CNTLN: variants seen among roughly 807,000 people sequenced by gnomAD.
The protein encoded by CNTLN is centlein, centrosomal protein.
In CNTLN, 212 loss-of-function variants were observed where a neutral mutation model predicts 180.0. The ratio of observed to expected loss-of-function variants is 1.18; its 90% CI spans 1.05 to 1.32. CNTLN has a LOEUF of 1.32. Among genes scored for constraint, CNTLN ranks in the 40% most tolerant of loss-of-function variants. The probability of loss-of-function intolerance (pLI) is 0.00; values close to 1 mark genes in which losing one functional copy is unlikely to be tolerated. For missense variants in CNTLN, 2,095 were observed against 1,610.9 expected, an observed-to-expected ratio of 1.30 and a Z score of -5.14; for synonymous variants, 722 against 563.1, an observed-to-expected ratio of 1.28 and a Z score of -3.99.
At chr9:17,149,932 G>C (rs951587793) in intron 2 of CNTLN, among the ~76,000 whole-genome samples, 9 of 152,096 alleles carry the variant, frequency 5.9e-5, no homozygotes, top group African/African-American at 2.2e-4. Context: ...TCATATGTCT[G>C]TTGGCTGCAT....
chr9:17,181,752 C>T (rs149793333), intron 2 of CNTLN, among the ~76,000 whole-genome samples: 215 of 152,328 alleles, frequency 1.4e-3, no homozygotes, highest in African/African-American at 5.1e-3. Flanking sequence ...CCTCTGGTCT[C>T]TGAAGACACC....
rs763590963 is a variant in CNTLN, at chr9:17,348,511, G to GCTTT, written c.1886+6088_1886+6091dup. Among the ~76,000 whole-genome samples the GCTTT allele has an allele frequency of 4.1e-3, 621 of 150,958 alleles. 2 individuals carry two copies. Among genetic ancestry groups the GCTTT allele is most frequent in the Non-Finnish European group, 5.1e-3 (345 of 67,784 alleles). ...GGTGAAAGTGCAGGCTTCTCACTCTGCTTTCTTTCTTTCTTTCTTTCTTTT... is the reference window on the plus strand; with the variant it reads ...GGTGAAAGTGCAGGCTTCTCACTCTGCTTTCTTTCTTTCTTTCTTTCTTTCTTTT... On this transcript the variant is annotated intron_variant, in intron 12 of 25. Transcript: ENST00000380647.
At chr9:17,436,211 T>C (rs1829767621) in intron 18 of CNTLN, among the ~76,000 whole-genome samples, 1 of 152,232 alleles carries the variant, frequency 6.6e-6, no homozygotes, top group Non-Finnish European at 1.5e-5. Context: ...TATTGTTTAG[T>C]TTATGATTAA....
chr9:17,175,531 A>G (rs1820668109), intron 2 of CNTLN, among the ~76,000 whole-genome samples: 1 of 152,180 alleles, frequency 6.6e-6, no homozygotes, highest in African/African-American at 2.4e-5. Context: ...ATACCATACC[A>G]TCTTGATTAC....
chr9:17,330,491 G>T, intron 8 of CNTLN, 141 bp from the exon 9 acceptor site: 1 of 462,320 alleles, frequency 2.2e-6, no homozygotes, highest in East Asian at 3.6e-5. Context: ...TTCAGCTCCT[G>T]CTAGTTTATT....
chr9:17,525,974 C>G, the CNTLN span, among the ~76,000 whole-genome samples: 2 of 151,904 alleles, frequency 1.3e-5, no homozygotes, highest in African/African-American at 4.8e-5. Flanking sequence ...CTTGCTCTGT[C>G]GCCCAGGCTG....
At chr9:17,464,747 C>A in intron 21 of CNTLN, 124 bp downstream of exon 21, 1 of 546,040 alleles carries the variant, frequency 1.8e-6, no homozygotes, top group Non-Finnish European at 3.0e-6. Flanking sequence ...TTTACTGTTA[C>A]AAAGTAACAC....
At chr9:17,159,269 G>C (rs1819511141) in intron 2 of CNTLN, among the ~76,000 whole-genome samples, 1 of 152,166 alleles carries the variant, frequency 6.6e-6, no homozygotes, top group African/African-American at 2.4e-5. Flanking sequence ...TGCAAATAAA[G>C]TCAGTTTCTT....
chr9:17,393,012 A>G (rs971871698), intron 14 of CNTLN, among the ~76,000 whole-genome samples: 5 of 152,180 alleles, frequency 3.3e-5, no homozygotes, highest in Admixed American at 2.0e-4. Context: ...AGAAAATGCT[A>G]AAACTGAGAG....
intron 15 of CNTLN, among the ~76,000 whole-genome samples, chr9:17,408,627 C>T (rs1027924808): frequency 6.6e-6 from 1 of 151,948 alleles, no homozygotes; most frequent in Non-Finnish European, 1.5e-5. Flanking sequence ...CAGTGAAACC[C>T]TATCTCTACT....
intron 2 of CNTLN, among the ~76,000 whole-genome samples, chr9:17,222,371 T>C (rs7851641): frequency 0.11 from 16,098 of 152,024 alleles, 1,301 homozygotes; most frequent in African/African-American, 0.23. Flanking sequence ...ATCTCATCTT[T>C]AGTTGTACTC....
intron 2 of CNTLN, among the ~76,000 whole-genome samples, chr9:17,179,201 G>A (rs1587024633): frequency 7.6e-6 from 1 of 131,782 alleles, no homozygotes; most frequent in Non-Finnish European, 1.5e-5. Context: ...CCGAGATCCC[G>A]CCACTGCACT....
chr9:17,493,143 G>A (rs1833258957), intron 25 of CNTLN, among the ~76,000 whole-genome samples: 1 of 152,066 alleles, frequency 6.6e-6, no homozygotes, highest in Non-Finnish European at 1.5e-5. Flanking sequence ...AAATCCTAGA[G>A]ATAGAGGTGG....
At chr9:17,525,380 A>T in the CNTLN span, among the ~76,000 whole-genome samples, 3 of 152,162 alleles carry the variant, frequency 2.0e-5, no homozygotes, top group Admixed American at 6.5e-5. Flanking sequence ...TTATATAATA[A>T]CTTGTTTTTA....
chr9:17,243,857 C>A (rs1825638751), intron 5 of CNTLN, among the ~76,000 whole-genome samples: 2 of 152,048 alleles, frequency 1.3e-5, no homozygotes, highest in South Asian at 4.1e-4. Flanking sequence ...TCTGTTGTTT[C>A]TTTGTTGATT....
chr9:17,171,770 G>T (rs912879014), intron 2 of CNTLN, among the ~76,000 whole-genome samples: 1 of 152,094 alleles, frequency 6.6e-6, no homozygotes, highest in African/African-American at 2.4e-5. Flanking sequence ...TACAGTATGG[G>T]TGCTCGTGGA....
chr9:17,523,576 AATATAG>A, the CNTLN span, among the ~76,000 whole-genome samples: 1 of 152,182 alleles, frequency 6.6e-6, no homozygotes, highest in African/African-American at 2.4e-5. Flanking sequence ...AGTGAAAATA[AATATAG>A]ATATAATTCT....
At chr9:17,261,967 CAT>C (rs1429419003) in intron 5 of CNTLN, among the ~76,000 whole-genome samples, 1 of 151,404 alleles carries the variant, frequency 6.6e-6, no homozygotes, top group Non-Finnish European at 1.5e-5. Flanking sequence ...TGCCAACAAA[CAT>C]AGGAAAAAAG....
At chr9:17,282,589 A>C (rs986512336) in intron 6 of CNTLN, among the ~76,000 whole-genome samples, 1 of 152,086 alleles carries the variant, frequency 6.6e-6, no homozygotes, top group Non-Finnish European at 1.5e-5. Context: ...CTTTAGTTTA[A>C]TTAGATAGCA....
Sources: allele counts gnomAD v4.1 joint callset (sites outside exome capture counted in the v4.1 genomes callset), GRCh38; gene constraint gnomAD v4.1.1; transcripts MANE v1.5; gene names NCBI Gene and HGNC (gene_info 2026-07-23, HGNC 2026-07-21).